PHLDB1: variants seen among roughly 807,000 people sequenced by gnomAD.
PHLDB1 encodes pleckstrin homology-like domain family B member 1.
A neutral mutation model predicts 139.3 loss-of-function variants in PHLDB1; 65 were observed. The observed-to-expected ratio is 0.47, with a 90% CI of 0.38 to 0.57. The LOEUF is 0.57. Among genes scored for constraint, PHLDB1 ranks in the 20% least tolerant of loss-of-function variants. The pLI, the probability that PHLDB1 is intolerant of heterozygous loss-of-function variation, is 0.00. For synonymous variants in PHLDB1, 679 were observed against 734.5 expected (o/e 0.92, Z 1.22); for missense variants, 1,624 against 1,839.7 (o/e 0.88, Z 2.14).
In PHLDB1 at chr11:118,608,172, G is replaced by C. The variant is rs1555080471; in HGVS notation, c.-22+473G>C. ...ACGTCTCCCCGCCTGTCCCCAGGCC[G>C]GCCGCCTTGATGGACCAGGAAGGGA... On this transcript the variant is annotated intron_variant, in intron 1 of 22. Transcript: ENST00000600882. The surrounding 1 kb of genome is among the most constrained non-coding windows in gnomAD (Gnocchi z 6.7). 6.6e-6 allele frequency among the ~76,000 whole-genome samples: 1 copy of C among 152,062 alleles called. No individual in the cohort carries two copies. The highest frequency in any genetic ancestry group is 6.5e-5 in the Admixed American group (1 of 15,278).
chr11:118,637,813 CCTTA>C (rs1212193411), intron 10 of PHLDB1: 1 of 152,230 alleles, frequency 6.6e-6, no homozygotes, highest in Non-Finnish European at 1.5e-5. Context: ...CATCCTTCCC[CCTTA>C]CTTACTATCT....
At chr11:118,609,192 C>T (rs562347234) in intron 1 of PHLDB1, among the ~76,000 whole-genome samples, 5 of 145,506 alleles carry the variant, frequency 3.4e-5, no homozygotes, top group African/African-American at 1.3e-4. Flanking sequence ...GCCCAGCTCA[C>T]ACACACAGCC....
chr11:118,610,548 G>A lies in PHLDB1; in HGVS notation c.-22+2849G>A. 2.2e-6 allele frequency: 2 copies of A among 923,596 alleles called. No individual in the cohort carries two copies. Among genetic ancestry groups the A allele is most frequent in the Non-Finnish European group, 2.6e-6 (2 of 773,326 alleles). 57.2% of individuals were successfully genotyped at this position (923,596 alleles called of 1,614,324 possible). On this transcript the variant is annotated intron_variant, in intron 1 of 22. Transcript: ENST00000600882. This position sits in a 1 kb window ranked among gnomAD's most constrained non-coding sequence, Gnocchi z 8.7. ...ACAGGTGAGGCCGGGCGACCCGCGG[G>A]GCTCCGGGGAGCGCCCGAGCAGTGG...
chr11:118,649,737 T>G (rs1948089024), intron 18 of PHLDB1, among the ~76,000 whole-genome samples: 1 of 152,278 alleles, frequency 6.6e-6, no homozygotes, highest in East Asian at 1.9e-4. Context: ...CTTATTGGGC[T>G]TTTCTTCCCA....
intron 6 of PHLDB1, among the ~76,000 whole-genome samples, chr11:118,630,843 T>C (rs1377714812): frequency 6.6e-6 from 1 of 151,936 alleles, no homozygotes; most frequent in African/African-American, 2.4e-5. Flanking sequence ...ACAGTGTGTT[T>C]CTGTATGTGT....
At chr11:118,622,892 C>T (rs1943102724) in intron 4 of PHLDB1, among the ~76,000 whole-genome samples, 1 of 152,150 alleles carries the variant, frequency 6.6e-6, no homozygotes, top group African/African-American at 2.4e-5. Context: ...AGGGAAGGCT[C>T]CCTCTCTCTC....
chr11:118,653,149 T>G, intron 20 of PHLDB1: 1 of 152,488 alleles, frequency 6.6e-6, no homozygotes. Context: ...CTATTTCCTG[T>G]GAAGGAAGGG....
At chr11:118,607,331 TGGTGGTG>T, upstream of PHLDB1, among the ~76,000 whole-genome samples, 1 of 470 alleles carries the variant, frequency 2.1e-3, no homozygotes. Context: ...GGGGGATGTG[TGGTGGTG>T]GTGGTGGTGG....
intron 12 of PHLDB1, chr11:118,642,046 C>G (rs893011210): frequency 1.6e-3 from 845 of 512,914 alleles, no homozygotes; most frequent in East Asian, 3.2e-3. Flanking sequence ...TTTCTTGATG[C>G]TCTCCTTTCT....
At chr11:118,647,855 C>G in intron 17 of PHLDB1, 75 bp from the exon 18 acceptor site, 1 of 1,482,308 alleles carries the variant, frequency 6.7e-7, no homozygotes, top group Non-Finnish European at 9.1e-7. Flanking sequence ...CTCCTGCAGC[C>G]CTGCCCAGGT....
chr11:118,627,396 C>T lies in PHLDB1; in HGVS notation c.573C>T (p.Ser191=), dbSNP rs1367380335. ...GTGCCAGCCACAGTTCCCTGGTGAG[C>T]TCTATTGAGAAGGACCTGCAAGAGA... ...SACASHSSLV[S]SIEKDLQEIM... The change falls in exon 6 of 23, where the codon AGC becomes AGT. Residue 191 remains serine, a synonymous_variant. Transcript: ENST00000600882. 6.2e-7 allele frequency: 1 copy of T among 1,614,182 alleles called. No homozygotes were observed. The highest frequency in any genetic ancestry group is 1.7e-5 in the Admixed American group (1 of 60,026).
rs1949097753 is a variant in PHLDB1, at chr11:118,656,562, T to C, written c.3994-121T>C. Reference sequence around the variant, plus strand: ...GTAGGGTCTAGGCTCTGGACCTATTTAGGACTAAGCTCCAGGGCTTTCTAG... The same window carrying C: ...GTAGGGTCTAGGCTCTGGACCTATTCAGGACTAAGCTCCAGGGCTTTCTAG... On this transcript the variant is annotated intron_variant, in intron 22 of 22. Coordinates refer to ENST00000600882, the MANE Select transcript of PHLDB1 (RefSeq NM_001144758.3). 4 of 891,494 alleles carry C rather than the reference T, an allele frequency of 4.5e-6. No individual in the cohort carries two copies. In the East Asian group the frequency reaches 9.9e-5, roughly 22 times the overall value. 55.2% of individuals were successfully genotyped at this position (891,494 alleles called of 1,614,324 possible). A position where few individuals can be genotyped will look rare whatever the true frequency, so the allele number is the denominator to read the frequency against.
At position 118,610,127 on chromosome 11, in the gene PHLDB1, T is replaced by C. The variant is rs1460707142; in HGVS notation, c.-22+2428T>C. ...TTTCTTCCCCCGACCCCTCCACCTC[T>C]GTGTTCTTCAGTCTCCCCGCATCCT... On this transcript the variant is annotated intron_variant, in intron 1 of 22. Coordinates refer to ENST00000600882, the MANE Select transcript of PHLDB1 (RefSeq NM_001144758.3). The surrounding 1 kb of genome is among the most constrained non-coding windows in gnomAD (Gnocchi z 8.7). 1.3e-5 allele frequency among the ~76,000 whole-genome samples: 2 copies of C among 151,694 alleles called. No individual in the cohort carries two copies. The highest frequency in any genetic ancestry group is 3.9e-4 in the East Asian group (2 of 5,102).
intron 6 of PHLDB1, chr11:118,629,894 C>A: frequency 1.7e-6 from 1 of 604,378 alleles, no homozygotes; most frequent in Non-Finnish European, 2.5e-6. Flanking sequence ...TAGTCCTGAC[C>A]TGCCTCACCT....
At position 118,627,780 on chromosome 11, in the gene PHLDB1, T is replaced by G; in HGVS notation, c.957T>G (p.His319Gln). 1 of 1,606,062 alleles carries G rather than the reference T, an allele frequency of 6.2e-7. No homozygotes were observed. The part of the protein sequence containing the change: ...ESPRLSRKGG[H>Q]ERPPSPGLRG... ...CTCGGCTGAGCAGGAAAGGGGGCCA[T>G]GAGAGGCCTCCCAGCCCTGGCCTCC... The change falls in exon 6 of 23, where the codon CAT (histidine) becomes CAG (glutamine). Residue 319 changes from histidine to glutamine, a missense_variant. Transcript: ENST00000600882.
At chr11:118,609,269 C>T (rs1406044306) in intron 1 of PHLDB1, among the ~76,000 whole-genome samples, 1 of 143,342 alleles carries the variant, frequency 7.0e-6, no homozygotes, top group East Asian at 2.1e-4. Context: ...GCTCAATACA[C>T]AGCCCAGCTC....
chr11:118,645,295 A>G lies in PHLDB1; in HGVS notation c.3122-61A>G. 7.6e-7 allele frequency: 1 copy of G among 1,321,004 alleles called. No individual in the cohort carries two copies. The allele number at this position is 1,321,004 out of a possible 1,614,324, so 81.8% of individuals were successfully genotyped here. On this transcript the variant is annotated intron_variant, in intron 15 of 22. Transcript: ENST00000600882. The surrounding 1 kb of genome is among the most constrained non-coding windows in gnomAD (Gnocchi z 5.1). ...CCCTCCCTCTGTGTGTTGTGCTGCC[A>G]GTGGCCTGCTCCTTAGCTGCGTGGG...
In PHLDB1 at chr11:118,631,773, T is replaced by TGG. The variant is rs535829206; in HGVS notation, c.2101-139_2101-138insGG. 138 of 1,009,802 alleles carry TGG rather than the reference T, an allele frequency of 1.4e-4. No homozygotes were observed. The African/African-American group carries it at 2.0e-3, about 15-fold the overall frequency. 62.6% of individuals were successfully genotyped at this position (1,009,802 alleles called of 1,614,324 possible). On this transcript the variant is annotated intron_variant, in intron 7 of 22. Coordinates refer to ENST00000600882, the MANE Select transcript of PHLDB1 (RefSeq NM_001144758.3). The stretch of plus-strand genomic sequence containing the variant: ...TATTGCTCCCCTCAAAGGTGGGGGT[T>TGG]GCGGGGGGGCAGGGAATTAGCCTCC...
In PHLDB1 at chr11:118,612,735, G is replaced by A. The variant is rs1187238429; in HGVS notation, c.-21-1081G>A. Among the ~76,000 whole-genome samples the A allele has an allele frequency of 2.0e-5, 3 of 152,316 alleles. No individual in the cohort carries two copies. In the East Asian group the frequency reaches 5.8e-4, roughly 29 times the overall value. ...CAGGGTCAGACACTCCTTGGAATGCGGGCTGCTGCCCCTACTTCCTTTCCA... is the reference window on the plus strand; with the variant it reads ...CAGGGTCAGACACTCCTTGGAATGCAGGCTGCTGCCCCTACTTCCTTTCCA... On this transcript the variant is annotated intron_variant, in intron 1 of 22. Transcript: ENST00000600882.
Sources: allele counts gnomAD v4.1 joint callset (sites outside exome capture counted in the v4.1 genomes callset), GRCh38; gene constraint gnomAD v4.1.1; non-coding constraint Gnocchi (gnomAD v3.1); transcripts MANE v1.5; gene names NCBI Gene and HGNC (gene_info 2026-07-23, HGNC 2026-07-21).